The following PHIP variants were observed in gnomAD, a reference collection of about 807,000 sequenced individuals.
PHIP encodes PH-interacting protein.
Under a neutral mutation model 236.8 loss-of-function variants are expected in PHIP, and 54 were observed. The observed-to-expected ratio is 0.23, with a 90% CI of 0.18 to 0.29. The LOEUF is 0.29. Ranked by LOEUF, PHIP falls within the 10% of genes least tolerant of loss-of-function variation. The probability of loss-of-function intolerance (pLI) is 1.00; values close to 1 mark genes in which losing one functional copy is unlikely to be tolerated. For missense variants in PHIP, 1,370 were observed against 2,190.8 expected (o/e 0.63, Z 7.48); for synonymous variants, 756 against 718.9 (o/e 1.05, Z -0.83).
At chr6:79,036,404 T>C (rs1410026060) in intron 7 of PHIP, among the ~76,000 whole-genome samples, 3 of 150,702 alleles carry the variant, frequency 2.0e-5, no homozygotes, top group Admixed American at 6.6e-5. Context: ...TAAATGACCA[T>C]ACTCTGCCTC....
intron 4 of PHIP, among the ~76,000 whole-genome samples, chr6:79,061,346 A>T (rs903893820): frequency 6.6e-6 from 1 of 152,200 alleles, no homozygotes; most frequent in Non-Finnish European, 1.5e-5. Context: ...TTCTCAAAGT[A>T]TGTTTTGGGA....
chr6:78,999,966 A>G (rs1769880609), intron 17 of PHIP, among the ~76,000 whole-genome samples: 1 of 152,022 alleles, frequency 6.6e-6, no homozygotes, highest in South Asian at 2.1e-4. Context: ...GATATAGCTC[A>G]AGTTTACAAC....
intron 31 of PHIP, among the ~76,000 whole-genome samples, chr6:78,958,973 T>G (rs901552645): frequency 1.3e-5 from 2 of 152,178 alleles, no homozygotes; most frequent in African/African-American, 4.8e-5. Context: ...GAACCCTCAC[T>G]TCTGAACAAA....
chr6:79,054,948 T>A (rs1772998023), intron 6 of PHIP, among the ~76,000 whole-genome samples: 1 of 151,800 alleles, frequency 6.6e-6, no homozygotes, highest in Non-Finnish European at 1.5e-5. Context: ...TAAGACTTTT[T>A]TTTTTTTTAA....
intron 35 of PHIP, among the ~76,000 whole-genome samples, chr6:78,953,707 C>T (rs66509445): frequency 0.096 from 14,610 of 152,110 alleles, 739 homozygotes; most frequent in Middle Eastern, 0.19. Flanking sequence ...GATGAAATTT[C>T]TTTATTTTCA....
chr6:78,955,934 T>C (rs1016223334), intron 32 of PHIP: 2 of 251,064 alleles, frequency 8.0e-6, no homozygotes, highest in African/African-American at 2.2e-5. Context: ...TTTGCTTAGG[T>C]ATCTGCTGTG....
chr6:79,050,695 A>G (rs1772750751), intron 6 of PHIP, among the ~76,000 whole-genome samples: 1 of 152,180 alleles, frequency 6.6e-6, no homozygotes, highest in South Asian at 2.1e-4. Context: ...ATATCTAAAG[A>G]GACTAGCTTA....
chr6:78,997,669 G>A, intron 18 of PHIP, 72 bp from the exon 19 acceptor site: 1 of 1,150,174 alleles, frequency 8.7e-7, no homozygotes, highest in South Asian at 1.6e-5. Flanking sequence ...AGAAAAAAGA[G>A]ATAAAACACT....
chr6:79,066,186 G>A (rs956573267), intron 4 of PHIP, among the ~76,000 whole-genome samples: 9 of 151,974 alleles, frequency 5.9e-5, no homozygotes, highest in African/African-American at 2.2e-4. Flanking sequence ...GACCCTAAGT[G>A]CTTTCAAATT....
intron 6 of PHIP, among the ~76,000 whole-genome samples, chr6:79,049,081 T>C (rs947025068): frequency 3.9e-5 from 6 of 152,024 alleles, no homozygotes; most frequent in Non-Finnish European, 8.8e-5. Context: ...TTACTTTTTT[T>C]TTTTTTGAGA....
intron 17 of PHIP, among the ~76,000 whole-genome samples, chr6:79,000,450 TG>T (rs1299367484): frequency 6.6e-6 from 1 of 152,060 alleles, no homozygotes; most frequent in Non-Finnish European, 1.5e-5. Context: ...CCTGCAGGAC[TG>T]GAATATCAAA....
In PHIP at chr6:78,935,667, C is replaced by T; in HGVS notation, c.*5026G>A. The T allele has an allele frequency of 1.0e-6, 1 of 984,080 alleles. No homozygotes were observed. Among genetic ancestry groups the T allele is most frequent in the East Asian group, 1.1e-4 (1 of 8,808 alleles). The allele number at this position is 984,080 out of a possible 1,614,324, so 61.0% of individuals were successfully genotyped here. A position where few individuals can be genotyped will look rare whatever the true frequency, so the allele number is the denominator to read the frequency against. On this transcript the variant is annotated 3_prime_UTR_variant, in exon 40 of 40. Transcript: ENST00000275034. ...TTTGGAATTAAATTACATTTCGGCA[C>T]CCAAATATCTTTTAACTGACAGTTT...
chr6:78,959,406 T>C (rs1168514826), intron 31 of PHIP, among the ~76,000 whole-genome samples: 2 of 152,122 alleles, frequency 1.3e-5, no homozygotes, highest in East Asian at 3.8e-4. Flanking sequence ...GATAACAGAA[T>C]CACAGATATC....
chr6:79,025,899 T>TAACAACAACAAC lies in PHIP; in HGVS notation c.822+32_822+43dup, dbSNP rs199694542. The TAACAACAACAAC allele has an allele frequency of 4.9e-4, 656 of 1,340,822 alleles. 6 individuals carry two copies. In the South Asian group the frequency reaches 5.8e-3, roughly 12 times the overall value. 83.1% of individuals were successfully genotyped at this position (1,340,822 alleles called of 1,614,324 possible). A position where few individuals can be genotyped will look rare whatever the true frequency, so the allele number is the denominator to read the frequency against. On this transcript the variant is annotated intron_variant, in intron 8 of 39. Coordinates refer to ENST00000275034, the MANE Select transcript of PHIP (RefSeq NM_017934.7). ...ACTTCATTAAATTTACTTTACATTA[T>TAACAACAACAAC]AACAACAACAACAACAACAATGTAT... is the stretch of plus-strand genomic sequence containing the variant.
chr6:78,946,883 G>GA lies in PHIP; in HGVS notation c.4207-10dup, dbSNP rs369427137. The GA allele has an allele frequency of 4.9e-3, 6,189 of 1,274,568 alleles. No individual in the cohort carries two copies. The highest frequency in any genetic ancestry group is 5.4e-3 in the Non-Finnish European group (5,161 of 947,968). 79.0% of individuals were successfully genotyped at this position (1,274,568 alleles called of 1,614,324 possible). A position where few individuals can be genotyped will look rare whatever the true frequency, so the allele number is the denominator to read the frequency against. On this transcript the variant is annotated splice_polypyrimidine_tract_variant and intron_variant, in intron 36 of 39. Coordinates refer to ENST00000275034, the MANE Select transcript of PHIP (RefSeq NM_017934.7). ...AAACTCATGCTGTAAATCTGTGAGGGAAAAAAAAAAGTGTTCAACCATTCC... is the reference window on the plus strand; with the variant it reads ...AAACTCATGCTGTAAATCTGTGAGGGAAAAAAAAAAAGTGTTCAACCATTCC...
intron 7 of PHIP, among the ~76,000 whole-genome samples, chr6:79,039,216 G>A (rs918299689): frequency 1.3e-5 from 2 of 152,078 alleles, no homozygotes; most frequent in African/African-American, 2.4e-5. Flanking sequence ...TATTTAGCAG[G>A]TCACAAAAGT....
rs993855790 is a variant in PHIP, at chr6:79,077,948, C to G, written c.41-35G>C. ...AGAGAGGGACGGGGAGACACACAGG[C>G]TGAGCGGTCGGGCGGCGGGGGGCGG... On this transcript the variant is annotated intron_variant, in intron 1 of 39. Coordinates refer to ENST00000275034, the MANE Select transcript of PHIP (RefSeq NM_017934.7). The G allele has an allele frequency of 8.8e-6, 14 of 1,589,384 alleles. No homozygotes were observed. In the African/African-American group the frequency reaches 1.2e-4, roughly 14 times the overall value.
intron 24 of PHIP, among the ~76,000 whole-genome samples, chr6:78,977,556 T>A: frequency 6.7e-6 from 1 of 150,236 alleles, no homozygotes; most frequent in Non-Finnish European, 1.5e-5. Flanking sequence ...TGTCTGGAAC[T>A]TTAAATGATG....
At chr6:79,054,304 G>T (rs372658661) in intron 6 of PHIP, among the ~76,000 whole-genome samples, 1 of 124,798 alleles carries the variant, frequency 8.0e-6, no homozygotes, top group African/African-American at 3.0e-5. Context: ...CAAAGACCAA[G>T]ACAAAAAAGA....
Sources: allele counts gnomAD v4.1 joint callset (sites outside exome capture counted in the v4.1 genomes callset), GRCh38; gene constraint gnomAD v4.1.1; transcripts MANE v1.5; gene names NCBI Gene and HGNC (gene_info 2026-07-23, HGNC 2026-07-21).